The following ASTN2 variants were observed in gnomAD, a reference collection of about 807,000 sequenced individuals.
ASTN2 encodes astrotactin-2.
Under a neutral mutation model 139.8 loss-of-function variants are expected in ASTN2, and 54 were observed. That is an observed-to-expected ratio of 0.39 (90% confidence interval 0.31 to 0.48). The LOEUF is 0.48. Ranked by LOEUF, ASTN2 falls within the 20% of genes least tolerant of loss-of-function variation. The pLI is 0.95. For synonymous variants in ASTN2, 756 were observed against 719.5 expected, an observed-to-expected ratio of 1.05 and a Z score of -0.81; for missense variants, 1,565 against 1,725.1, an observed-to-expected ratio of 0.91 and a Z score of 1.64.
chr9:117,071,339 G>A (rs970861300), intron 5 of ASTN2, among the ~76,000 whole-genome samples: 19 of 151,834 alleles, frequency 1.3e-4, no homozygotes, highest in Non-Finnish European at 2.8e-4. Flanking sequence ...CAGGGGTCAG[G>A]GACCCACTTG....
chr9:116,878,172 C>A (rs566381032), intron 10 of ASTN2, among the ~76,000 whole-genome samples: 1 of 152,288 alleles, frequency 6.6e-6, no homozygotes, highest in Non-Finnish European at 1.5e-5. Flanking sequence ...GATTCTAGAA[C>A]TAGAAACATC....
At chr9:116,692,720 A>C (rs974959795) in intron 16 of ASTN2, among the ~76,000 whole-genome samples, 2 of 151,954 alleles carry the variant, frequency 1.3e-5, no homozygotes, top group Admixed American at 1.3e-4. Context: ...TGTGGTCTTA[A>C]TTTCCCTCTC....
chr9:117,269,427 G>T (rs953291654), intron 2 of ASTN2, among the ~76,000 whole-genome samples: 1 of 152,114 alleles, frequency 6.6e-6, no homozygotes, highest in African/African-American at 2.4e-5. Flanking sequence ...CTATTTCTGC[G>T]CTTGAAGGGG....
At chr9:116,442,174 C>A (rs1285252269) in intron 21 of ASTN2, among the ~76,000 whole-genome samples, 1 of 152,176 alleles carries the variant, frequency 6.6e-6, no homozygotes, top group Non-Finnish European at 1.5e-5. Flanking sequence ...GACTCCCTAC[C>A]ATTTGTGGCC....
intron 11 of ASTN2, among the ~76,000 whole-genome samples, chr9:116,862,109 T>C (rs1832898794): frequency 6.6e-6 from 1 of 152,030 alleles, no homozygotes; most frequent in Non-Finnish European, 1.5e-5. Context: ...TCAGATATAG[T>C]TTCATTGCAT....
chr9:117,071,356 C>T (rs1828119997), intron 5 of ASTN2, among the ~76,000 whole-genome samples: 1 of 151,766 alleles, frequency 6.6e-6, no homozygotes, highest in African/African-American at 2.4e-5. Flanking sequence ...CTTGAAGAGG[C>T]AGTCTGCGGG....
chr9:117,344,738 G>A (rs1276068133), intron 1 of ASTN2, among the ~76,000 whole-genome samples: 2 of 152,064 alleles, frequency 1.3e-5, no homozygotes, highest in East Asian at 3.9e-4. Context: ...GAATGAACAC[G>A]GGTTTCAACT....
At chr9:117,321,886 C>T (rs545650557) in intron 1 of ASTN2, among the ~76,000 whole-genome samples, 1 of 152,284 alleles carries the variant, frequency 6.6e-6, no homozygotes, top group African/African-American at 2.4e-5. Context: ...CCAAAACTGG[C>T]TCCAAATATG....
rs529141856 is a variant in ASTN2, at chr9:116,488,165, C to T, written c.3356-665G>A. Reference sequence around the variant, plus strand: ...GACTATGTGCCACATATTTGTGATCCTCAAACTCCATCACTTCTTTAATTT... The same window carrying T: ...GACTATGTGCCACATATTTGTGATCTTCAAACTCCATCACTTCTTTAATTT... On this transcript the variant is annotated intron_variant, in intron 19 of 22. Coordinates refer to ENST00000313400, the MANE Select transcript of ASTN2 (RefSeq NM_001365068.1). Among the ~76,000 whole-genome samples the T allele has an allele frequency of 9.9e-5, 15 of 152,244 alleles. No homozygotes were observed. The South Asian group carries it at 2.9e-3, about 29-fold the overall frequency.
At chr9:116,760,831 C>G (rs965437527) in intron 13 of ASTN2, among the ~76,000 whole-genome samples, 1 of 151,812 alleles carries the variant, frequency 6.6e-6, no homozygotes, top group Non-Finnish European at 1.5e-5. Context: ...CCTTCCCCGC[C>G]GCAGCTAACA....
intron 18 of ASTN2, 132 bp downstream of exon 18, chr9:116,620,178 T>C: frequency 7.8e-7 from 1 of 1,278,262 alleles, no homozygotes; most frequent in Non-Finnish European, 1.1e-6. Flanking sequence ...AAAAAGGAGG[T>C]AGATTCCAGG....
chr9:117,062,315 G>T (rs1839317871), intron 5 of ASTN2, among the ~76,000 whole-genome samples: 1 of 152,136 alleles, frequency 6.6e-6, no homozygotes, highest in South Asian at 2.1e-4. Flanking sequence ...TCTCTAGACA[G>T]CCACCACTCA....
At chr9:117,143,248 A>C (rs979866252) in intron 3 of ASTN2, among the ~76,000 whole-genome samples, 2 of 152,214 alleles carry the variant, frequency 1.3e-5, no homozygotes, top group Non-Finnish European at 2.9e-5. Flanking sequence ...CTCCACAGAT[A>C]TCTTAATTAG....
In ASTN2 at chr9:117,316,261, G is replaced by T. The variant is rs7022079; in HGVS notation, c.443-24748C>A. On this transcript the variant is annotated intron_variant, in intron 1 of 22. Coordinates refer to ENST00000313400, the MANE Select transcript of ASTN2 (RefSeq NM_001365068.1). ...AGATGACCTGAGTACCTTCTAGTAA[G>T]TCAGCTCCTGGTCTGTGCCTGGGGA... 3.6e-3 allele frequency among the ~76,000 whole-genome samples: 545 copies of T among 152,292 alleles called. 1 individual carries two copies. The highest frequency in any genetic ancestry group is 0.013 in the African/African-American group (523 of 41,568).
intron 20 of ASTN2, 112 bp downstream of exon 20, chr9:116,487,247 G>A (rs1849369812): frequency 7.4e-7 from 1 of 1,346,168 alleles, no homozygotes; most frequent in Admixed American, 2.2e-5. Flanking sequence ...TGCACATACA[G>A]GCTAGCTAAT....
intron 10 of ASTN2, among the ~76,000 whole-genome samples, chr9:116,957,920 C>A (rs572093391): frequency 6.6e-6 from 1 of 152,272 alleles, no homozygotes; most frequent in African/African-American, 2.4e-5. Flanking sequence ...ACCTCGTGAT[C>A]CACCTGCCTT....
chr9:116,892,890 C>G (rs1033206789), intron 10 of ASTN2, among the ~76,000 whole-genome samples: 3 of 152,150 alleles, frequency 2.0e-5, no homozygotes, highest in African/African-American at 7.2e-5. Flanking sequence ...GGTATACACA[C>G]TTCCCAAATA....
In ASTN2 at chr9:117,037,934, A is replaced by ATT. The variant is rs567120918; in HGVS notation, c.1423+1883_1423+1884dup. 3.5e-4 allele frequency among the ~76,000 whole-genome samples: 54 copies of ATT among 152,228 alleles called. 1 individual carries two copies. The South Asian group carries it at 8.7e-3, about 25-fold the overall frequency. ...TTCCCTGCCATCTCCCCCACCACAC[A>ATT]TTTACTTGTCTTATGTGCACATATG... On this transcript the variant is annotated intron_variant, in intron 6 of 22. Transcript: ENST00000313400.
intron 11 of ASTN2, among the ~76,000 whole-genome samples, chr9:116,850,812 A>T (rs1832577077): frequency 6.6e-6 from 1 of 152,166 alleles, no homozygotes; most frequent in Non-Finnish European, 1.5e-5. Context: ...GGTGCCAAAG[A>T]TTCAAAAGAG....
Sources: gnomAD v4.1 joint callset for allele counts (sites outside exome capture counted in the v4.1 genomes callset) on GRCh38, gnomAD v4.1.1 for gene constraint, MANE v1.5 for transcripts, NCBI Gene and HGNC (gene_info 2026-07-23, HGNC 2026-07-21) for gene names.